Variants in TRDN observed in about 807,000 individuals in gnomAD.
TRDN encodes the protein triadin.
A neutral mutation model predicts 149.7 loss-of-function variants in TRDN; 161 were observed. The ratio of observed to expected loss-of-function variants is 1.08; its 90% CI spans 0.95 to 1.23. The LOEUF is 1.23. Among genes scored for constraint, TRDN ranks in the 50% most tolerant of loss-of-function variants. TRDN has a pLI of 0.00. For synonymous variants in TRDN, 294 were observed against 250.5 expected (o/e 1.17, Z -1.64); for missense variants, 896 against 823.5 (o/e 1.09, Z -1.08).
intron 10 of TRDN, among the ~76,000 whole-genome samples, chr6:123,441,666 C>CA (rs1327071621): frequency 6.6e-6 from 1 of 152,188 alleles, no homozygotes. Flanking sequence ...TCTAAGCCCT[C>CA]ACAATGGGCT....
At chr6:123,367,169 A>G (rs1781135637) in intron 19 of TRDN, among the ~76,000 whole-genome samples, 1 of 152,170 alleles carries the variant, frequency 6.6e-6, no homozygotes, top group African/African-American at 2.4e-5. Context: ...AAAGCTAGTT[A>G]AAGTCAAAGT....
At chr6:123,445,464 G>A (rs1775264401) in intron 10 of TRDN, among the ~76,000 whole-genome samples, 1 of 122,154 alleles carries the variant, frequency 8.2e-6, no homozygotes, top group Non-Finnish European at 1.6e-5. Flanking sequence ...CAAAATGGGA[G>A]AAAATTTTCG....
chr6:123,492,964 C>G (rs1457561097), intron 9 of TRDN, among the ~76,000 whole-genome samples: 2 of 152,034 alleles, frequency 1.3e-5, no homozygotes, highest in African/African-American at 2.4e-5. Flanking sequence ...CTCTGTCTTC[C>G]CTAAGGCAGG....
At chr6:123,326,238 A>G (rs1415460001) in intron 23 of TRDN, among the ~76,000 whole-genome samples, 2 of 152,098 alleles carry the variant, frequency 1.3e-5, no homozygotes, top group Non-Finnish European at 2.9e-5. Context: ...TGTATCTCCA[A>G]CCCAAATATT....
chr6:123,369,908 C>A (rs570551267), intron 19 of TRDN, among the ~76,000 whole-genome samples: 2 of 152,236 alleles, frequency 1.3e-5, no homozygotes, highest in African/African-American at 4.8e-5. Flanking sequence ...TGTCTCATGT[C>A]ACTCTTTAGA....
At chr6:123,426,427 T>G (rs1054437825) in intron 12 of TRDN, among the ~76,000 whole-genome samples, 4 of 152,154 alleles carry the variant, frequency 2.6e-5, no homozygotes, top group Non-Finnish European at 5.9e-5. Flanking sequence ...AAACGTCCAC[T>G]GAGCCCCTGC....
At chr6:123,514,082 T>C (rs886988342) in intron 6 of TRDN, among the ~76,000 whole-genome samples, 1 of 152,110 alleles carries the variant, frequency 6.6e-6, no homozygotes, top group Non-Finnish European at 1.5e-5. Flanking sequence ...CAATCTTTTT[T>C]GGATGGGTGC....
intron 12 of TRDN, among the ~76,000 whole-genome samples, 192 bp downstream of exon 12, chr6:123,437,871 T>C (rs1774661394): frequency 6.6e-6 from 1 of 152,148 alleles, no homozygotes; most frequent in Non-Finnish European, 1.5e-5. Flanking sequence ...AGTCTCTCTG[T>C]CCTATTGCAA....
intron 1 of TRDN, among the ~76,000 whole-genome samples, chr6:123,587,868 C>T (rs371378337): frequency 2.2e-4 from 33 of 152,196 alleles, no homozygotes; most frequent in African/African-American, 7.9e-4. Context: ...AAGACAATGT[C>T]ATCAGTTAAG....
intron 24 of TRDN, among the ~76,000 whole-genome samples, chr6:123,312,601 G>T (rs1361053478): frequency 6.6e-6 from 1 of 152,028 alleles, no homozygotes; most frequent in African/African-American, 2.4e-5. Flanking sequence ...TAAGTCAAAA[G>T]TTACATCTGG....
chr6:123,238,041 A>G (rs1775853558), intron 38 of TRDN, among the ~76,000 whole-genome samples: 1 of 152,210 alleles, frequency 6.6e-6, no homozygotes. Context: ...ATGTGACAGA[A>G]AAAATAAAAG....
intron 9 of TRDN, among the ~76,000 whole-genome samples, chr6:123,467,322 A>C (rs1776882762): frequency 6.6e-6 from 1 of 151,776 alleles, no homozygotes; most frequent in African/African-American, 2.4e-5. Context: ...GTAAATTAAA[A>C]AAAAAAAAAA....
At chr6:123,234,557 C>T (rs1044951230) in intron 38 of TRDN, among the ~76,000 whole-genome samples, 6 of 152,070 alleles carry the variant, frequency 3.9e-5, no homozygotes, top group African/African-American at 1.4e-4. Flanking sequence ...TTGTCTAGAA[C>T]TGGGACGTAA....
At chr6:123,407,472 G>A (rs1401015162) in intron 12 of TRDN, among the ~76,000 whole-genome samples, 2 of 152,068 alleles carry the variant, frequency 1.3e-5, no homozygotes, top group African/African-American at 2.4e-5. Flanking sequence ...GGCCAACATA[G>A]TGCTTCACCA....
intron 20 of TRDN, among the ~76,000 whole-genome samples, chr6:123,362,841 T>G (rs1780953857): frequency 6.6e-6 from 1 of 152,096 alleles, no homozygotes; most frequent in Non-Finnish European, 1.5e-5. Context: ...CATTTAAAAT[T>G]TTTCTCGATT....
At chr6:123,303,591 T>A (rs889077289) in intron 24 of TRDN, among the ~76,000 whole-genome samples, 4 of 152,140 alleles carry the variant, frequency 2.6e-5, no homozygotes, top group Middle Eastern at 3.2e-3. Flanking sequence ...ATAAATAGGA[T>A]GTTTTCAGTG....
At chr6:123,430,884 A>T (rs1000566964) in intron 12 of TRDN, among the ~76,000 whole-genome samples, 2 of 152,194 alleles carry the variant, frequency 1.3e-5, no homozygotes, top group Non-Finnish European at 2.9e-5. Context: ...GTTATCTCAG[A>T]TATTCCCACA....
At chr6:123,275,088 A>G (rs1777325917) in intron 26 of TRDN, among the ~76,000 whole-genome samples, 1 of 152,130 alleles carries the variant, frequency 6.6e-6, no homozygotes, top group Non-Finnish European at 1.5e-5. Context: ...ACTCTTTGAA[A>G]TAGATCTAAT....
intron 39 of TRDN, among the ~76,000 whole-genome samples, chr6:123,222,005 C>T (rs888156291): frequency 2.6e-5 from 4 of 151,726 alleles, no homozygotes; most frequent in Non-Finnish European, 5.9e-5. Context: ...TCCCTTTTCA[C>T]GTCTGATTCA....
Sources: gnomAD v4.1 joint callset for allele counts (sites outside exome capture counted in the v4.1 genomes callset) on GRCh38, gnomAD v4.1.1 for gene constraint, MANE v1.5 for transcripts, NCBI Gene and HGNC (gene_info 2026-07-23, HGNC 2026-07-21) for gene names.